The following TRIQK variants were observed in gnomAD, a reference collection of about 807,000 sequenced individuals.
The protein encoded by TRIQK is triple QxxK/R motif-containing protein.
TRIQK carries 10 observed loss-of-function variants against 10.8 expected under a neutral mutation model. The observed-to-expected ratio is 0.92, with a 90% CI of 0.57 to 1.57. The LOEUF (loss-of-function observed/expected upper bound fraction) is 1.57, where lower values mean the gene tolerates loss of function less well. Ranked by LOEUF, TRIQK falls within the 40% of genes most tolerant of loss-of-function variation. The pLI is 0.00. For synonymous variants in TRIQK, 33 were observed against 33.7 expected (o/e 0.98, Z 0.07); for missense variants, 107 against 97.7 (o/e 1.09, Z -0.40).
intron 3 of TRIQK, among the ~76,000 whole-genome samples, chr8:92,905,890 T>C (rs1156847680): frequency 6.6e-6 from 1 of 152,146 alleles, no homozygotes; most frequent in Non-Finnish European, 1.5e-5. Context: ...ACCAAATGGA[T>C]AGAGAACTGA....
chr8:92,910,033 G>A (rs113385961), intron 3 of TRIQK, among the ~76,000 whole-genome samples: 4 of 151,528 alleles, frequency 2.6e-5, no homozygotes, highest in South Asian at 2.1e-4. Flanking sequence ...ATGTAAACAG[G>A]TTAGGTTAAA....
At chr8:92,956,997 T>C (rs903407657) in intron 1 of TRIQK, among the ~76,000 whole-genome samples, 2 of 151,830 alleles carry the variant, frequency 1.3e-5, no homozygotes, top group Non-Finnish European at 3.0e-5. Context: ...CATTTCTGCA[T>C]GACAGGTACA....
chr8:92,908,303 G>A (rs1384901611), intron 3 of TRIQK, among the ~76,000 whole-genome samples: 1 of 152,110 alleles, frequency 6.6e-6, no homozygotes, highest in Non-Finnish European at 1.5e-5. Flanking sequence ...TTATCATCAT[G>A]TGGCAGTACT....
intron 1 of TRIQK, among the ~76,000 whole-genome samples, chr8:92,955,650 G>A (rs1488742477): frequency 6.6e-6 from 1 of 151,622 alleles, no homozygotes; most frequent in Admixed American, 6.6e-5. Context: ...CTGCAGAATA[G>A]AAGAAAATAC....
intron 3 of TRIQK, among the ~76,000 whole-genome samples, chr8:92,899,817 G>T (rs1463247731): frequency 6.6e-6 from 1 of 152,020 alleles, no homozygotes; most frequent in East Asian, 1.9e-4. Context: ...GGTTTTTGGG[G>T]GAACCTCCAA....
chr8:92,889,356 ATCTT>A (rs1816647207), intron 4 of TRIQK, among the ~76,000 whole-genome samples: 1 of 151,636 alleles, frequency 6.6e-6, no homozygotes, highest in Non-Finnish European at 1.5e-5. Context: ...TGTCTTATTC[ATCTT>A]TCTTTTCACA....
intron 2 of TRIQK, among the ~76,000 whole-genome samples, chr8:92,931,085 C>T (rs1810699510): frequency 6.6e-6 from 1 of 151,872 alleles, no homozygotes; most frequent in Non-Finnish European, 1.5e-5. Context: ...TTTTCTGAAA[C>T]AAAAATTTAC....
intron 1 of TRIQK, among the ~76,000 whole-genome samples, chr8:92,962,060 C>G (rs1159853219): frequency 6.6e-6 from 1 of 152,098 alleles, no homozygotes; most frequent in East Asian, 1.9e-4. Context: ...ACCTATCTCA[C>G]TCTATTGTTG....
At chr8:92,959,120 C>T (rs1011512171) in intron 1 of TRIQK, among the ~76,000 whole-genome samples, 1 of 151,888 alleles carries the variant, frequency 6.6e-6, no homozygotes, top group African/African-American at 2.4e-5. Context: ...CATAATTTCC[C>T]CATGTCCACA....
intron 2 of TRIQK, among the ~76,000 whole-genome samples, chr8:92,938,338 C>T (rs1811098657): frequency 6.6e-6 from 1 of 151,910 alleles, no homozygotes; most frequent in Non-Finnish European, 1.5e-5. Flanking sequence ...ATGATTATTA[C>T]AATCAAATTA....
chr8:92,940,118 G>C (rs1233073633), intron 2 of TRIQK, among the ~76,000 whole-genome samples: 2 of 152,080 alleles, frequency 1.3e-5, no homozygotes, highest in Non-Finnish European at 2.9e-5. Context: ...CAGCCAACTA[G>C]AGAATACATA....
chr8:92,972,307 T>G (rs1431417489), intron 1 of TRIQK, among the ~76,000 whole-genome samples: 1 of 152,158 alleles, frequency 6.6e-6, no homozygotes, highest in Non-Finnish European at 1.5e-5. Flanking sequence ...TTTGTATTTT[T>G]TATTTTTCAT....
intron 2 of TRIQK, among the ~76,000 whole-genome samples, chr8:92,924,002 C>G (rs1307291566): frequency 1.3e-5 from 2 of 151,812 alleles, no homozygotes; most frequent in Non-Finnish European, 2.9e-5. Context: ...TATCAAAACA[C>G]AGGTTATTAA....
chr8:92,994,603 T>C (rs1467865840), intron 1 of TRIQK, among the ~76,000 whole-genome samples: 3 of 152,046 alleles, frequency 2.0e-5, no homozygotes, highest in Non-Finnish European at 4.4e-5. Flanking sequence ...CTTTTTCTAA[T>C]TTTTTACTAG....
chr8:92,898,616 A>G (rs1474998685), intron 3 of TRIQK, among the ~76,000 whole-genome samples: 2 of 151,726 alleles, frequency 1.3e-5, no homozygotes, highest in African/African-American at 4.8e-5. Context: ...TAATTTTACT[A>G]TCATCACATT....
chr8:92,965,141 GCTCTACAGGTTTAGCACACCT>G (rs1812669514), intron 1 of TRIQK: 1 of 152,104 alleles, frequency 6.6e-6, no homozygotes, highest in South Asian at 2.1e-4. Flanking sequence ...AGCAAAAACA[GCTCTACAGGTTTAGCACACCT>G]CTCCACAGTA....
intron 3 of TRIQK, among the ~76,000 whole-genome samples, chr8:92,910,383 A>C (rs1809507549): frequency 6.6e-6 from 1 of 151,340 alleles, no homozygotes; most frequent in African/African-American, 2.4e-5. Context: ...GGAATGGAAA[A>C]TGTTGAAAAT....
intron 3 of TRIQK, among the ~76,000 whole-genome samples, chr8:92,904,481 C>T (rs559774481): frequency 5.3e-4 from 80 of 152,252 alleles, no homozygotes; most frequent in Non-Finnish European, 6.0e-4. Context: ...TGGAAACCAA[C>T]TGAGTACTAC....
intron 1 of TRIQK, among the ~76,000 whole-genome samples, chr8:92,980,986 A>G (rs926864624): frequency 6.6e-6 from 1 of 151,528 alleles, no homozygotes; most frequent in African/African-American, 2.4e-5. Context: ...ATTTTATAAT[A>G]ATGCCTCTAG....
Sources: gnomAD v4.1 joint callset for allele counts (sites outside exome capture counted in the v4.1 genomes callset) on GRCh38, gnomAD v4.1.1 for gene constraint, MANE v1.5 for transcripts, NCBI Gene and HGNC (gene_info 2026-07-23, HGNC 2026-07-21) for gene names.